The following POTEI variants were observed in gnomAD, a reference collection of about 807,000 sequenced individuals.
POTEI encodes the protein POTE ankyrin domain family, member I.
In POTEI, 14 loss-of-function variants were observed where a neutral mutation model predicts 43.4. That is an observed-to-expected ratio of 0.32 (90% confidence interval 0.21 to 0.50). The LOEUF (loss-of-function observed/expected upper bound fraction) is 0.50. POTEI is among the 20% of genes least tolerant of loss of function. The probability of loss-of-function intolerance (pLI) is 0.98; values close to 1 mark genes in which losing one functional copy is unlikely to be tolerated. For synonymous variants in POTEI, 95 were observed against 297.9 expected, an observed-to-expected ratio of 0.32 and a Z score of 7.01; for missense variants, 235 against 795.4, an observed-to-expected ratio of 0.30 and a Z score of 8.47.
At chr2:130,492,734 T>TTC (rs1683787658) in intron 6 of POTEI, among the ~76,000 whole-genome samples, 1 of 131,398 alleles carries the variant, frequency 7.6e-6, no homozygotes, top group Non-Finnish European at 1.6e-5. Context: ...AAGTCAATTC[T>TTC]ATAAGAAGTC....
chr2:130,491,721 C>G (rs2105104275), intron 6 of POTEI, among the ~76,000 whole-genome samples: 1 of 100,192 alleles, frequency 1.0e-5, no homozygotes, highest in Admixed American at 1.2e-4. Context: ...GGCGCAATCT[C>G]AGCTCACTGC....
At position 130,500,843 on chromosome 2, in the gene POTEI, A is replaced by G. The variant is rs1281446422; in HGVS notation, c.811-201T>C. On this transcript the variant is annotated intron_variant, in intron 3 of 14. Coordinates refer to ENST00000451531, the MANE Select transcript of POTEI (RefSeq NM_001277406.2). ...CACCCCTTCTCTGCCTCACCACAGT[A>G]CCTCTAATCATCTCAAAAACTCACT... Among the ~76,000 whole-genome samples the G allele has an allele frequency of 6.2e-5, 2 of 32,394 alleles. 1 individual carries two copies. The highest frequency in any genetic ancestry group is 1.7e-4 in the African/African-American group (2 of 11,900). The allele number at this position is 32,394 out of a possible 152,430, so 21.3% of individuals were successfully genotyped here. A position where few individuals can be genotyped will look rare whatever the true frequency, so the allele number is the denominator to read the frequency against.
rs533173346 is a variant in POTEI, at chr2:130,483,673, C to T, written c.1410-1600G>A. Among the ~76,000 whole-genome samples, 424 of 139,930 alleles carry T rather than the reference C, an allele frequency of 3.0e-3. 1 individual carries two copies. The highest frequency in any genetic ancestry group is 0.011 in the African/African-American group (384 of 34,972). The allele number at this position is 139,930 out of a possible 152,430, so 91.8% of individuals were successfully genotyped here. On this transcript the variant is annotated intron_variant, in intron 9 of 14. Coordinates refer to ENST00000451531, the MANE Select transcript of POTEI (RefSeq NM_001277406.2). ...GCAGTGCAACGATCTCGGCTCACTGCAAGCTCCGCCTCCTGGGTTCATGCC... is the reference window on the plus strand; with the variant it reads ...GCAGTGCAACGATCTCGGCTCACTGTAAGCTCCGCCTCCTGGGTTCATGCC...
chr2:130,475,293 G>GA (rs1296233432), intron 11 of POTEI, among the ~76,000 whole-genome samples: 112 of 49,048 alleles, frequency 2.3e-3, no homozygotes, highest in African/African-American at 5.6e-3. Flanking sequence ...TACCAAAAAT[G>GA]AATCAGCAGA....
chr2:130,482,330 T>C (rs1683416937), intron 9 of POTEI, among the ~76,000 whole-genome samples: 3 of 147,632 alleles, frequency 2.0e-5, no homozygotes, highest in South Asian at 4.2e-4. Flanking sequence ...CCTGACATAA[T>C]AGAAAGTGTC....
Position 130,467,946 on chromosome 2 carries a change from T to C in POTEI, c.1779-2174A>G, listed in dbSNP as rs1682894046. Among the ~76,000 whole-genome samples the C allele has an allele frequency of 2.9e-5, 4 of 137,996 alleles. No homozygotes were observed. In the South Asian group the frequency reaches 1.0e-3, roughly 36 times the overall value. The allele number at this position is 137,996 out of a possible 152,430, so 90.5% of individuals were successfully genotyped here. A position where few individuals can be genotyped will look rare whatever the true frequency, so the allele number is the denominator to read the frequency against. ...TCACTGCAGCCAGAATGGCCACTAT[T>C]AGAAATCAAAAAACAACAGATGTTG... is the stretch of plus-strand genomic sequence containing the variant. On this transcript the variant is annotated intron_variant, in intron 13 of 14. Transcript: ENST00000451531.
Position 130,460,049 on chromosome 2 carries a change from G to C in POTEI, c.*2767C>G, listed in dbSNP as rs1682576920. 2 of 150,166 alleles carry C rather than the reference G, an allele frequency of 1.3e-5. No homozygotes were observed. Among genetic ancestry groups the C allele is most frequent in the Admixed American group, 6.6e-5 (1 of 15,232 alleles). 9.3% of individuals were successfully genotyped at this position (150,166 alleles called of 1,614,324 possible). A position where few individuals can be genotyped will look rare whatever the true frequency, so the allele number is the denominator to read the frequency against. On this transcript the variant is annotated 3_prime_UTR_variant, in exon 15 of 15. Coordinates refer to ENST00000451531, the MANE Select transcript of POTEI (RefSeq NM_001277406.2). ...TCCAAATAAAGGGCTGCCGTATGGA[G>C]AGGCAATGTGCAGGCTGGTGCGTGG...
Position 130,493,514 on chromosome 2 carries a change from A to T in POTEI, c.1127-2774T>A, listed in dbSNP as rs1683823636. On this transcript the variant is annotated intron_variant, in intron 6 of 14. Transcript: ENST00000451531. ...TTCCATTAAACGTGCATAGAAAAAC[A>T]TTAGTCATTCCTGCTGACCTGCTGC... Among the ~76,000 whole-genome samples the T allele has an allele frequency of 4.7e-5, 2 of 42,600 alleles. 1 individual carries two copies. Among genetic ancestry groups the T allele is most frequent in the African/African-American group, 1.2e-4 (2 of 17,340 alleles). 27.9% of individuals were successfully genotyped at this position (42,600 alleles called of 152,430 possible). A position where few individuals can be genotyped will look rare whatever the true frequency, so the allele number is the denominator to read the frequency against.
In POTEI at chr2:130,461,269, C is replaced by A. The variant is rs1682623371; in HGVS notation, c.*1547G>T. On this transcript the variant is annotated 3_prime_UTR_variant, in exon 15 of 15. Transcript: ENST00000451531. ...CTGGTCCGCCTCAGACACTCTGAAG[C>A]CCTAAGGCTGAAATGCCTGGGTCGC... The A allele has an allele frequency of 6.6e-6, 1 of 151,952 alleles. No individual in the cohort carries two copies. Among genetic ancestry groups the A allele is most frequent in the Non-Finnish European group, 1.5e-5 (1 of 68,058 alleles). The allele number at this position is 151,952 out of a possible 1,614,324, so 9.4% of individuals were successfully genotyped here. A position where few individuals can be genotyped will look rare whatever the true frequency, so the allele number is the denominator to read the frequency against.
intron 9 of POTEI, among the ~76,000 whole-genome samples, chr2:130,483,655 A>C (rs1429131310): frequency 2.2e-5 from 3 of 133,656 alleles, no homozygotes; most frequent in Admixed American, 7.8e-5. Flanking sequence ...AGTGCAGTGC[A>C]ACGATCTCGG....
chr2:130,494,769 T>C (rs1193071494), intron 6 of POTEI, among the ~76,000 whole-genome samples: 7 of 144,066 alleles, frequency 4.9e-5, no homozygotes, highest in East Asian at 2.2e-4. Flanking sequence ...ACTCTGGTTC[T>C]TACTGTTTTA....
chr2:130,491,543 AC>A (rs1342736389), intron 6 of POTEI, among the ~76,000 whole-genome samples: 1 of 109,738 alleles, frequency 9.1e-6, no homozygotes, highest in African/African-American at 3.1e-5. Context: ...CAACAATAGT[AC>A]CTTACAAATG....
rs1480849440 is a variant in POTEI at position 130,463,238 on chromosome 2, G to C, written c.2806C>G (p.Leu936Val). 1.8e-5 allele frequency: 25 copies of C among 1,384,492 alleles called. No homozygotes were observed. Among genetic ancestry groups the C allele is most frequent in the African/African-American group, 2.6e-5 (1 of 38,376 alleles). 85.8% of individuals were successfully genotyped at this position (1,384,492 alleles called of 1,614,324 possible). The change falls in exon 15 of 15, where the codon CTA becomes GTA. Residue 936 changes from leucine (L) to valine (V), a missense_variant. Transcript: ENST00000451531. ...EMAMAASSSS[L>V]EKSYELPDGQ... ...TCGGGCAGCTCGTAGCTCTTCTCTA[G>C]GGAGGAGCTGGAGGCCGCCATGGCC... is the stretch of plus-strand genomic sequence containing the variant.
chr2:130,507,315 TATACAC>T (rs1469029559), intron 1 of POTEI, among the ~76,000 whole-genome samples: 108 of 7,292 alleles, frequency 0.015, 2 homozygotes, highest in African/African-American at 0.023. Context: ...TATATATATA[TATACAC>T]ACACACACAC....
At chr2:130,477,712 C>T (rs1418971736) in intron 10 of POTEI, among the ~76,000 whole-genome samples, 1 of 134,304 alleles carries the variant, frequency 7.4e-6, no homozygotes, top group Non-Finnish European at 1.5e-5. Context: ...ACATGCTAGG[C>T]ATTAGGGTTT....
At position 130,468,604 on chromosome 2, in the gene POTEI, C is replaced by T. The variant is rs1397955318; in HGVS notation, c.1779-2832G>A. ...TATCACAAGAACAGCATGGAGGAAA[C>T]CGACCCCATGAGCCAATCACCTCCC... On this transcript the variant is annotated intron_variant, in intron 13 of 14. Coordinates refer to ENST00000451531, the MANE Select transcript of POTEI (RefSeq NM_001277406.2). 5.3e-5 allele frequency among the ~76,000 whole-genome samples: 8 copies of T among 151,956 alleles called. No individual in the cohort carries two copies. In the South Asian group the frequency reaches 1.0e-3, roughly 20 times the overall value.
rs1267726656 is a variant in POTEI at position 130,461,203 on chromosome 2, T to A, written c.*1613A>T. ...CAAAAAGAAAAGTCTGGCCACGTTT[T>A]TATAGAGCAGCTGTGCTGTGCTGGG... On this transcript the variant is annotated 3_prime_UTR_variant, in exon 15 of 15. Coordinates refer to ENST00000451531, the MANE Select transcript of POTEI (RefSeq NM_001277406.2). 1.3e-5 allele frequency: 2 copies of A among 151,524 alleles called. No individual in the cohort carries two copies. The highest frequency in any genetic ancestry group is 2.9e-5 in the Non-Finnish European group (2 of 68,022). The allele number at this position is 151,524 out of a possible 1,614,324, so 9.4% of individuals were successfully genotyped here. A position where few individuals can be genotyped will look rare whatever the true frequency, so the allele number is the denominator to read the frequency against.
At position 130,460,011 on chromosome 2, in the gene POTEI, G is replaced by C. The variant is rs1253497197; in HGVS notation, c.*2805C>G. ...CCCGTGTAAACACACACAGCAAAGT[G>C]ATTTAGGAAGTTTCCAAATAAAGGG... On this transcript the variant is annotated 3_prime_UTR_variant, in exon 15 of 15. Transcript: ENST00000451531. The C allele has an allele frequency of 6.7e-6, 1 of 148,712 alleles. No homozygotes were observed. Among genetic ancestry groups the C allele is most frequent in the African/African-American group, 2.6e-5 (1 of 38,270 alleles). The allele number at this position is 148,712 out of a possible 1,614,324, so 9.2% of individuals were successfully genotyped here.
At position 130,460,462 on chromosome 2, in the gene POTEI, G is replaced by A. The variant is rs1227447747; in HGVS notation, c.*2354C>T. On this transcript the variant is annotated 3_prime_UTR_variant, in exon 15 of 15. Transcript: ENST00000451531. ...TGACCTCAGTATTCCTAAAGTGCTG[G>A]GATAAAGTGTCTCACAAGGGCAAGT... 1.3e-5 allele frequency: 2 copies of A among 151,766 alleles called. No individual in the cohort carries two copies. The highest frequency in any genetic ancestry group is 2.1e-4 in the South Asian group (1 of 4,792). 9.4% of individuals were successfully genotyped at this position (151,766 alleles called of 1,614,324 possible).
Sources: allele counts gnomAD v4.1 joint callset (sites outside exome capture counted in the v4.1 genomes callset), GRCh38; gene constraint gnomAD v4.1.1; transcripts MANE v1.5; gene names NCBI Gene and HGNC (gene_info 2026-07-23, HGNC 2026-07-21).